EYS: variants seen among roughly 807,000 people sequenced by gnomAD.
EYS encodes protein eyes shut homolog.
Under a neutral mutation model 282.1 loss-of-function variants are expected in EYS, and 250 were observed. That is an observed-to-expected ratio of 0.89 (90% CI 0.80 to 0.98). The LOEUF is 0.98. Ranked by LOEUF, EYS falls within the 50% of genes least tolerant of loss-of-function variation. The pLI is 0.00. For synonymous variants in EYS, 1,355 were observed against 1,282.9 expected, an observed-to-expected ratio of 1.06 and a Z score of -1.20; for missense variants, 4,016 against 3,709.0, an observed-to-expected ratio of 1.08 and a Z score of -2.15.
At position 63,975,435 on chromosome 6, in the gene EYS, T is replaced by A. The variant is rs144424083; in HGVS notation, c.7055+8948A>T. On this transcript the variant is annotated intron_variant, in intron 35 of 42. Transcript: ENST00000503581. Reference sequence around the variant, plus strand: ...GATCAAAATAATTTCTAAACATGGATGTTCTAGAAAAAAAGAAAAACAGAA... The same window carrying A: ...GATCAAAATAATTTCTAAACATGGAAGTTCTAGAAAAAAAGAAAAACAGAA... 3.6e-3 allele frequency among the ~76,000 whole-genome samples: 548 copies of A among 152,136 alleles called. 6 individuals carry two copies. Among genetic ancestry groups the A allele is most frequent in the African/African-American group, 0.012 (518 of 41,552 alleles).
intron 13 of EYS, 79 bp from the exon 14 acceptor site, chr6:64,997,782 A>G (rs955585847): frequency 4.1e-5 from 54 of 1,326,180 alleles, no homozygotes; most frequent in Non-Finnish European, 5.2e-5. Flanking sequence ...CTAAAATTCT[A>G]TAATCATTTA....
At chr6:64,817,013 A>C (rs1046180922) in intron 21 of EYS, among the ~76,000 whole-genome samples, 1 of 151,758 alleles carries the variant, frequency 6.6e-6, no homozygotes, top group Non-Finnish European at 1.5e-5. Context: ...TGATTGATTA[A>C]GTGGAAAAGC....
At position 64,075,241 on chromosome 6, in the gene EYS, C is replaced by G. The variant is rs571239354; in HGVS notation, c.6571+6615G>C. Among the ~76,000 whole-genome samples the G allele has an allele frequency of 2.6e-5, 4 of 152,046 alleles. No individual in the cohort carries two copies. In the South Asian group the frequency reaches 8.3e-4, roughly 32 times the overall value. The stretch of plus-strand genomic sequence containing the variant: ...AGACAGCTTACAGCAACAATGATGA[C>G]ATGGGCTGATAATAACCAGTGTTAG... On this transcript the variant is annotated intron_variant, in intron 32 of 42. Transcript: ENST00000503581.
chr6:64,047,838 CA>C (rs1377488865), intron 33 of EYS, among the ~76,000 whole-genome samples: 2 of 152,148 alleles, frequency 1.3e-5, no homozygotes, highest in East Asian at 3.9e-4. Context: ...GTCCTCTGGC[CA>C]AGGGGTGGGC....
intron 32 of EYS, among the ~76,000 whole-genome samples, chr6:64,081,525 A>C (rs1182062759): frequency 6.6e-6 from 1 of 152,220 alleles, no homozygotes; most frequent in African/African-American, 2.4e-5. Context: ...TATTGAATGT[A>C]ATTCATATTT....
chr6:64,264,682 G>A (rs933015046), intron 30 of EYS, among the ~76,000 whole-genome samples: 1 of 152,112 alleles, frequency 6.6e-6, no homozygotes, highest in Non-Finnish European at 1.5e-5. Context: ...GGCTGAAGCA[G>A]GTATATCACT....
In EYS at chr6:65,297,671, C is replaced by T. The variant is rs186532436; in HGVS notation, c.1767-1552G>A. 3.1e-4 allele frequency among the ~76,000 whole-genome samples: 47 copies of T among 152,066 alleles called. 2 individuals are homozygous for T. In the East Asian group the frequency reaches 4.2e-3, roughly 14 times the overall value. On this transcript the variant is annotated intron_variant, in intron 11 of 42. Coordinates refer to ENST00000503581, the MANE Select transcript of EYS (RefSeq NM_001142800.2). The stretch of plus-strand genomic sequence containing the variant: ...CTATTTCACAGAAGAGTATTGAATG[C>T]ATTTTTTACTGGGCAAGTAACTGTT...
rs1583277936 is a variant in EYS at position 64,902,463 on chromosome 6, G to T, written c.2679C>A (p.Asp893Glu). 6.5e-7 allele frequency: 1 copy of T among 1,535,464 alleles called. No individual in the cohort carries two copies. The highest frequency in any genetic ancestry group is 8.7e-7 in the Non-Finnish European group (1 of 1,142,876). Residue 893 changes from aspartate (D) to glutamate (E), a missense_variant, in exon 17 of 43, where the codon GAC (aspartate) becomes GAA (glutamate). Coordinates refer to ENST00000503581, the MANE Select transcript of EYS (RefSeq NM_001142800.2). Reference sequence around the variant, plus strand: ...AATCCTGGCAGGAAAGGAAGAGGCAGTCTTTCACATCAATTTCACAGTTTT... The same window carrying T: ...AATCCTGGCAGGAAAGGAAGAGGCATTCTTTCACATCAATTTCACAGTTTT... The part of the protein sequence containing the change: ...EGKNCEIDVK[D>E]CLFLSCQDYG...
chr6:64,405,004 C>T (rs1773661940), intron 28 of EYS, among the ~76,000 whole-genome samples: 1 of 151,924 alleles, frequency 6.6e-6, no homozygotes, highest in Non-Finnish European at 1.5e-5. Flanking sequence ...TTTTAAAGTT[C>T]TGGGGTACCT....
intron 19 of EYS, among the ~76,000 whole-genome samples, chr6:64,823,104 G>C (rs1458962026): frequency 6.6e-6 from 1 of 151,922 alleles, no homozygotes; most frequent in Non-Finnish European, 1.5e-5. Context: ...GTGAAGTAAT[G>C]AATTATATCA....
At chr6:65,396,645 T>G (rs1766289962) in intron 7 of EYS, among the ~76,000 whole-genome samples, 1 of 152,150 alleles carries the variant, frequency 6.6e-6, no homozygotes, top group African/African-American at 2.4e-5. Context: ...TTGACACATA[T>G]TATTGTAGGC....
intron 35 of EYS, among the ~76,000 whole-genome samples, chr6:63,970,549 G>C (rs1408632086): frequency 6.6e-6 from 1 of 151,872 alleles, no homozygotes; most frequent in African/African-American, 2.4e-5. Context: ...GCAGGAGACT[G>C]GCATGAACCC....
At chr6:63,933,483 A>G (rs1023226687) in intron 35 of EYS, among the ~76,000 whole-genome samples, 1 of 152,204 alleles carries the variant, frequency 6.6e-6, no homozygotes, top group Admixed American at 6.5e-5. Flanking sequence ...CTGGGATTAC[A>G]GGTATGAGCC....
chr6:64,879,237 T>C (rs909460138), intron 19 of EYS, among the ~76,000 whole-genome samples: 1 of 152,112 alleles, frequency 6.6e-6, no homozygotes, highest in African/African-American at 2.4e-5. Flanking sequence ...ATAATGACAT[T>C]TCAGCTTTCT....
chr6:63,908,752 GA>G, intron 35 of EYS, among the ~76,000 whole-genome samples: 1 of 152,224 alleles, frequency 6.6e-6, no homozygotes, highest in Admixed American at 6.5e-5. Context: ...CACCTAGCTA[GA>G]AAAGACATTC....
intron 26 of EYS, among the ~76,000 whole-genome samples, chr6:64,551,249 T>C (rs1168826587): frequency 1.3e-5 from 2 of 150,546 alleles, no homozygotes; most frequent in Admixed American, 1.3e-4. Flanking sequence ...CTAATAAGTT[T>C]ATTTAAATTT....
At chr6:65,065,103 T>C (rs942395672) in intron 12 of EYS, among the ~76,000 whole-genome samples, 6 of 152,172 alleles carry the variant, frequency 3.9e-5, no homozygotes, top group Non-Finnish European at 8.8e-5. Flanking sequence ...CTAGGCGTGC[T>C]GAGCCTTCAG....
At chr6:64,738,898 C>T (rs1259819176) in intron 22 of EYS, among the ~76,000 whole-genome samples, 12 of 152,164 alleles carry the variant, frequency 7.9e-5, no homozygotes, top group Non-Finnish European at 1.5e-5. Context: ...GCTGGGATTA[C>T]AGATGCCTGC....
At chr6:64,124,726 T>C (rs1177345970) in intron 31 of EYS, among the ~76,000 whole-genome samples, 3 of 152,234 alleles carry the variant, frequency 2.0e-5, no homozygotes, top group Non-Finnish European at 4.4e-5. Flanking sequence ...TGATTACTGG[T>C]ATGTTGGAAG....
Sources: gnomAD v4.1 joint callset for allele counts (sites outside exome capture counted in the v4.1 genomes callset) on GRCh38, gnomAD v4.1.1 for gene constraint, MANE v1.5 for transcripts, NCBI Gene and HGNC (gene_info 2026-07-23, HGNC 2026-07-21) for gene names.